The following TBC1D5 variants were observed in gnomAD, a reference collection of about 807,000 sequenced individuals.
TBC1D5 encodes the protein TBC1 domain family member 5.
TBC1D5 carries 75 observed loss-of-function variants against 100.3 expected under a neutral mutation model. The observed-to-expected ratio is 0.75, with a 90% CI of 0.62 to 0.91. The LOEUF is 0.91. Among genes scored for constraint, TBC1D5 ranks in the 40% least tolerant of loss-of-function variants. The pLI is 0.00. For missense variants in TBC1D5, 910 were observed against 942.4 expected (o/e 0.97, Z 0.45); for synonymous variants, 323 against 325.6 (o/e 0.99, Z 0.09).
chr3:17,704,127 A>C (rs2073623143), intron 1 of TBC1D5, among the ~76,000 whole-genome samples: 1 of 142,178 alleles, frequency 7.0e-6, no homozygotes. Context: ...ATGACTCTTA[A>C]CGAGCATGCT....
rs2125122464 is a variant in TBC1D5 at position 17,166,931 on chromosome 3, A to G, written c.1933-3T>C. The G allele has an allele frequency of 6.3e-7, 1 of 1,589,908 alleles. No individual in the cohort carries two copies. The highest frequency in any genetic ancestry group is 8.5e-7 in the Non-Finnish European group (1 of 1,170,892). On this transcript the variant is annotated splice_polypyrimidine_tract_variant and splice_region_variant and intron_variant, in intron 20 of 21. Coordinates refer to ENST00000253692, the Ensembl canonical transcript of TBC1D5. ...GAACCTTTTAGAATGTCTTTGATCTATTTTCAAAGAAGAAGAAAATAAATG... is the reference window on the plus strand; with the variant it reads ...GAACCTTTTAGAATGTCTTTGATCTGTTTTCAAAGAAGAAGAAAATAAATG...
At chr3:17,553,170 C>T (rs2096487914) in intron 2 of TBC1D5, among the ~76,000 whole-genome samples, 1 of 152,078 alleles carries the variant, frequency 6.6e-6, no homozygotes, top group African/African-American at 2.4e-5. Context: ...TCATGTGTCC[C>T]TGCTGCTATT....
intron 1 of TBC1D5, among the ~76,000 whole-genome samples, chr3:17,736,825 A>C (rs2076997251): frequency 6.6e-6 from 1 of 152,158 alleles, no homozygotes; most frequent in African/African-American, 2.4e-5. Flanking sequence ...AGCCTGAACA[A>C]CATGGTGAAA....
intron 3 of TBC1D5, among the ~76,000 whole-genome samples, chr3:17,488,603 T>TA (rs1318715304): frequency 6.6e-6 from 1 of 152,194 alleles, no homozygotes. Context: ...CAGCAATAAA[T>TA]AAGAGTTTCT....
rs1359632503 is a variant in TBC1D5, at chr3:17,361,672, A to G, written c.995+10403T>C. Among the ~76,000 whole-genome samples the G allele has an allele frequency of 2.6e-5, 4 of 152,204 alleles. No homozygotes were observed. In the East Asian group the frequency reaches 7.7e-4, roughly 29 times the overall value. On this transcript the variant is annotated intron_variant, in intron 13 of 21. Transcript: ENST00000253692. Reference sequence around the variant, plus strand: ...TACAAAAAGGAAGCCTTAAAGAAAAATTTAAAATATCTTGAGCTGAAGAAA... The same window carrying G: ...TACAAAAAGGAAGCCTTAAAGAAAAGTTTAAAATATCTTGAGCTGAAGAAA...
At chr3:17,402,252 G>C (rs1159292471) in intron 8 of TBC1D5, among the ~76,000 whole-genome samples, 1 of 152,090 alleles carries the variant, frequency 6.6e-6, no homozygotes. Flanking sequence ...ATATCAGAGA[G>C]CGAGAGGCCT....
intron 2 of TBC1D5, among the ~76,000 whole-genome samples, chr3:17,552,510 T>G (rs1300599130): frequency 6.6e-6 from 1 of 152,090 alleles, no homozygotes; most frequent in Non-Finnish European, 1.5e-5. Flanking sequence ...AGACATTCAT[T>G]CCAAGAGCAA....
chr3:17,437,712 G>A (rs557801235), intron 3 of TBC1D5, among the ~76,000 whole-genome samples: 11 of 142,618 alleles, frequency 7.7e-5, no homozygotes, highest in Non-Finnish European at 1.7e-4. Flanking sequence ...AAGTAGCGGG[G>A]GAAGTGAAGG....
chr3:17,374,682 TA>T lies in TBC1D5; in HGVS notation c.702-4del. On this transcript the variant is annotated splice_polypyrimidine_tract_variant and splice_region_variant and intron_variant, in intron 10 of 21. Transcript: ENST00000253692. ...TCAAGACAGTTTTCATTTCCTCACT[TA>T]AAAAAGCAATACAAGCAATCAAAAT... 1.2e-6 allele frequency: 2 copies of T among 1,610,004 alleles called. No individual in the cohort carries two copies. Among genetic ancestry groups the T allele is most frequent in the Non-Finnish European group, 1.7e-6 (2 of 1,179,022 alleles).
intron 1 of TBC1D5, among the ~76,000 whole-genome samples, chr3:17,627,221 A>T (rs2063131073): frequency 6.6e-6 from 1 of 152,192 alleles, no homozygotes. Flanking sequence ...AGTCTGAAGG[A>T]TAACAGGAGG....
At chr3:17,346,806 A>C (rs150761868) in intron 13 of TBC1D5, among the ~76,000 whole-genome samples, 40 of 152,336 alleles carry the variant, frequency 2.6e-4, no homozygotes, top group Non-Finnish European at 4.1e-4. Flanking sequence ...AATAGATAAT[A>C]AATTATGTCA....
intron 1 of TBC1D5, among the ~76,000 whole-genome samples, chr3:17,680,789 C>G (rs572752291): frequency 6.6e-6 from 1 of 151,470 alleles, no homozygotes; most frequent in South Asian, 2.1e-4. Flanking sequence ...TATTATGTAA[C>G]AGCCTAAGAA....
At chr3:17,276,398 C>A (rs558127711) in intron 15 of TBC1D5, among the ~76,000 whole-genome samples, 3 of 152,242 alleles carry the variant, frequency 2.0e-5, no homozygotes, top group South Asian at 2.1e-4. Context: ...CAGCCTGCCA[C>A]CAAAAGTGAA....
intron 9 of TBC1D5, among the ~76,000 whole-genome samples, chr3:17,380,039 CTGTGTATGTGTGTGTG>C (rs1474480068): frequency 2.6e-3 from 263 of 100,128 alleles, no homozygotes; most frequent in East Asian, 0.014. Flanking sequence ...ACAGCTGTGA[CTGTGTATGTGTGTGTG>C]TGTGTGTGTG....
intron 2 of TBC1D5, among the ~76,000 whole-genome samples, chr3:17,614,019 G>A (rs2061908524): frequency 1.3e-5 from 2 of 152,122 alleles, no homozygotes; most frequent in South Asian, 4.1e-4. Flanking sequence ...ATGGTTTTCG[G>A]TCTAACATTC....
chr3:17,528,985 T>C (rs960584468), intron 2 of TBC1D5, among the ~76,000 whole-genome samples: 1 of 152,172 alleles, frequency 6.6e-6, no homozygotes, highest in African/African-American at 2.4e-5. Context: ...TAAGCTAGCA[T>C]CATCTGGATT....
intron 2 of TBC1D5, among the ~76,000 whole-genome samples, chr3:17,569,255 C>A (rs1006449214): frequency 6.6e-6 from 1 of 151,856 alleles, no homozygotes; most frequent in African/African-American, 2.4e-5. Flanking sequence ...ATTTAAGCAT[C>A]ATGGTTCTTT....
intron 19 of TBC1D5, among the ~76,000 whole-genome samples, chr3:17,179,555 G>A (rs2068205830): frequency 6.6e-6 from 1 of 152,200 alleles, no homozygotes; most frequent in African/African-American, 2.4e-5. Flanking sequence ...ACTAATCAGT[G>A]AAAGAGAAGC....
At chr3:17,390,380 C>G (rs557846789) in intron 8 of TBC1D5, among the ~76,000 whole-genome samples, 47 of 152,064 alleles carry the variant, frequency 3.1e-4, no homozygotes, top group Non-Finnish European at 6.3e-4. Flanking sequence ...AGAATCTTTC[C>G]TAAGCAAGAA....
Sources: gnomAD v4.1 joint callset for allele counts (sites outside exome capture counted in the v4.1 genomes callset) on GRCh38, gnomAD v4.1.1 for gene constraint, MANE v1.5 for transcripts, NCBI Gene and HGNC (gene_info 2026-07-23, HGNC 2026-07-21) for gene names.